The following FAM81A variants were observed in gnomAD, a reference collection of about 807,000 sequenced individuals.
FAM81A encodes family with sequence similarity 81 member A.
Under a neutral mutation model 46.7 loss-of-function variants are expected in FAM81A, and 19 were observed. That is an observed-to-expected ratio of 0.41 (90% CI 0.28 to 0.60). The LOEUF (loss-of-function observed/expected upper bound fraction) is 0.60, where lower values mean the gene tolerates loss of function less well. Among genes scored for constraint, FAM81A ranks in the 20% least tolerant of loss-of-function variants. The pLI, the probability that FAM81A is intolerant of heterozygous loss-of-function variation, is 0.34. For synonymous variants in FAM81A, 183 were observed against 152.9 expected, an observed-to-expected ratio of 1.20 and a Z score of -1.45; for missense variants, 377 against 453.5, an observed-to-expected ratio of 0.83 and a Z score of 1.53.
intron 3 of FAM81A, among the ~76,000 whole-genome samples, chr15:59,481,923 C>G (rs1256284121): frequency 6.6e-6 from 1 of 151,650 alleles, no homozygotes; most frequent in African/African-American, 2.4e-5. Flanking sequence ...AAAATATTTG[C>G]TTCTTTAATA....
chr15:59,466,252 C>T (rs956500982), intron 3 of FAM81A, among the ~76,000 whole-genome samples: 10 of 152,304 alleles, frequency 6.6e-5, no homozygotes, highest in Admixed American at 5.9e-4. Flanking sequence ...AATGGTAATT[C>T]TAGTTCTAGA....
At chr15:59,520,943 C>T (rs1232713929) in intron 8 of FAM81A, among the ~76,000 whole-genome samples, 1 of 152,176 alleles carries the variant, frequency 6.6e-6, no homozygotes, top group African/African-American at 2.4e-5. Context: ...TTGTGCCCTG[C>T]TCAGGGTATC....
chr15:59,516,738 C>A lies in FAM81A; in HGVS notation c.880C>A (p.Gln294Lys). The change falls in exon 8 of 9, where the codon CAG becomes AAG. Residue 294 changes from glutamine to lysine, a missense_variant. Gln to Lys is a moderately conservative substitution (Grantham distance 53, BLOSUM62 1). Transcript: ENST00000288228. ...EEGQKKTFDGQRTRQEEEKMH... is the reference protein window; with the variant it reads ...EEGQKKTFDGKRTRQEEEKMH... ...GGGTCAAAAGAAGACTTTTGATGGT[C>A]AGAGAACAAGGCAAGAAGAGGAGAA... The A allele has an allele frequency of 6.2e-7, 1 of 1,613,498 alleles. No homozygotes were observed. The highest frequency in any genetic ancestry group is 1.1e-5 in the South Asian group (1 of 90,972).
At chr15:59,401,993 G>A (rs1435483009) in intron 1 of FAM81A, 1 of 665,470 alleles carries the variant, frequency 1.5e-6, no homozygotes, top group Non-Finnish European at 2.7e-6. Flanking sequence ...CAATATATTT[G>A]TTCTGTGGCA....
rs776653049 is a variant in FAM81A at position 59,507,318 on chromosome 15, G to A, written c.519G>A (p.Thr173=). The A allele has an allele frequency of 1.4e-5, 23 of 1,612,188 alleles. No homozygotes were observed. The highest frequency in any genetic ancestry group is 1.1e-4 in the East Asian group (5 of 44,880). Residue 173 remains threonine, a synonymous_variant, in exon 5 of 9, where the codon ACG becomes ACA. Coordinates refer to ENST00000288228, the MANE Select transcript of FAM81A (RefSeq NM_152450.3). ...EQQAAKLILE[T]KIKDAEGQIS... is the part of the protein sequence containing the mutation. ...AGGCTGCCAAACTTATCTTGGAAAC[G>A]AAAATCAAAGATGCAGAGGGACAGG... is the stretch of plus-strand genomic sequence containing the variant.
At chr15:59,502,593 A>G (rs1300400729) in intron 4 of FAM81A, among the ~76,000 whole-genome samples, 1 of 150,426 alleles carries the variant, frequency 6.6e-6, no homozygotes, top group Non-Finnish European at 1.5e-5. Context: ...GGCTCACTGC[A>G]ATCTCTGCCT....
chr15:59,445,192 C>G (rs574471383), intron 1 of FAM81A: 1 of 152,266 alleles, frequency 6.6e-6, no homozygotes, highest in South Asian at 2.1e-4. Flanking sequence ...TGGTTGTCAC[C>G]CCCTGCCCCA....
chr15:59,411,834 A>G (rs1046805168), intron 2 of FAM81A, among the ~76,000 whole-genome samples: 36 of 152,266 alleles, frequency 2.4e-4, no homozygotes, highest in African/African-American at 8.7e-4. Context: ...GAGTCCCTTG[A>G]ACCCAGGAGG....
At chr15:59,478,241 A>G (rs986040981) in intron 3 of FAM81A, among the ~76,000 whole-genome samples, 1 of 152,206 alleles carries the variant, frequency 6.6e-6, no homozygotes, top group Non-Finnish European at 1.5e-5. Context: ...TTTAGTTCCC[A>G]TGTGCTCAAC....
chr15:59,510,301 G>A (rs775869684), intron 6 of FAM81A, among the ~76,000 whole-genome samples: 1 of 150,024 alleles, frequency 6.7e-6, no homozygotes, highest in Non-Finnish European at 1.5e-5. Flanking sequence ...AGGAGGCAGA[G>A]GTTGCAGCAG....
At chr15:59,494,514 C>G (rs2082014117) in intron 4 of FAM81A, among the ~76,000 whole-genome samples, 1 of 152,186 alleles carries the variant, frequency 6.6e-6, no homozygotes, top group Admixed American at 6.5e-5. Flanking sequence ...TTTCAGGAAT[C>G]TTATATTCTT....
chr15:59,514,720 A>G (rs2082248844), intron 7 of FAM81A, among the ~76,000 whole-genome samples: 1 of 152,234 alleles, frequency 6.6e-6, no homozygotes, highest in East Asian at 1.9e-4. Context: ...CATAAAACTA[A>G]GAATCACCAA....
intron 5 of FAM81A, among the ~76,000 whole-genome samples, chr15:59,508,136 A>G (rs144471089): frequency 7.6e-4 from 116 of 152,330 alleles, no homozygotes; most frequent in African/African-American, 2.7e-3. Context: ...TCTTTTTTGA[A>G]GAATGAGTGA....
chr15:59,443,126 A>G (rs1452550962), intron 1 of FAM81A, among the ~76,000 whole-genome samples: 1 of 152,224 alleles, frequency 6.6e-6, no homozygotes, highest in Non-Finnish European at 1.5e-5. Flanking sequence ...TCGGTTGCCC[A>G]GGGCGGAACG....
At chr15:59,413,691 C>T (rs1049818448) in intron 2 of FAM81A, among the ~76,000 whole-genome samples, 3 of 151,942 alleles carry the variant, frequency 2.0e-5, no homozygotes, top group African/African-American at 4.8e-5. Flanking sequence ...AAAGCAGTGG[C>T]GGGAGGATAG....
rs188537891 is a variant in FAM81A at position 59,472,333 on chromosome 15, A to G, written c.294+12127A>G. Among the ~76,000 whole-genome samples the G allele has an allele frequency of 6.6e-4, 100 of 152,216 alleles. 1 individual carries two copies. In the East Asian group the frequency reaches 0.017, roughly 26 times the overall value. On this transcript the variant is annotated intron_variant, in intron 3 of 8. Transcript: ENST00000288228. ...AGCATGGGTAACAGAGGGAGATGCT[A>G]CATTCAAAACTAAAACCAAACCAAA...
chr15:59,399,935 C>CA (rs1273163643), intron 1 of FAM81A, among the ~76,000 whole-genome samples: 1 of 152,058 alleles, frequency 6.6e-6, no homozygotes, highest in Non-Finnish European at 1.5e-5. Context: ...TCAACTAGAC[C>CA]AAAAAACAAA....
intron 1 of FAM81A, among the ~76,000 whole-genome samples, chr15:59,455,461 C>T (rs192150777): frequency 2.0e-5 from 3 of 152,188 alleles, no homozygotes; most frequent in Non-Finnish European, 4.4e-5. Context: ...GAATTAACAA[C>T]GGGAAGATCT....
intron 1 of FAM81A, among the ~76,000 whole-genome samples, chr15:59,450,866 A>G (rs1198271291): frequency 1.3e-5 from 2 of 152,076 alleles, no homozygotes; most frequent in Non-Finnish European, 2.9e-5. Flanking sequence ...TGGTATTAGA[A>G]CCCCAGCTGA....
Sources: allele counts gnomAD v4.1 joint callset (sites outside exome capture counted in the v4.1 genomes callset), GRCh38; gene constraint gnomAD v4.1.1; transcripts MANE v1.5; gene names NCBI Gene and HGNC (gene_info 2026-07-23, HGNC 2026-07-21).